The following GRM5 variants were observed in gnomAD, a reference collection of about 807,000 sequenced individuals.
GRM5 encodes glutamate metabotropic receptor 5.
Under a neutral mutation model 83.1 loss-of-function variants are expected in GRM5, and 19 were observed. The ratio of observed to expected loss-of-function variants is 0.23; its 90% confidence interval spans 0.16 to 0.34. GRM5 has a LOEUF of 0.34. Among genes scored for constraint, GRM5 ranks in the 10% least tolerant of loss-of-function variants. The pLI, the probability that GRM5 is intolerant of heterozygous loss-of-function variation, is 1.00. For missense variants in GRM5, 1,160 were observed against 1,588.3 expected (o/e 0.73, Z 4.58); for synonymous variants, 675 against 633.6 (o/e 1.07, Z -0.98).
chr11:88,865,515 C>A (rs542418036), intron 2 of GRM5, among the ~76,000 whole-genome samples: 1 of 152,084 alleles, frequency 6.6e-6, no homozygotes. Flanking sequence ...GACTTCATGA[C>A]TAAAACACCA....
At chr11:88,587,158 AGTGATTTAAAG>A in intron 7 of GRM5, among the ~76,000 whole-genome samples, 1 of 152,302 alleles carries the variant, frequency 6.6e-6, no homozygotes, top group East Asian at 1.9e-4. Context: ...TAGTTTGCAA[AGTGATTTAAAG>A]GGGAAAGCAG....
At chr11:89,040,693 C>T (rs1306758109) in intron 2 of GRM5, among the ~76,000 whole-genome samples, 1 of 151,240 alleles carries the variant, frequency 6.6e-6, no homozygotes, top group East Asian at 1.9e-4. Flanking sequence ...AGAGAGAGAC[C>T]CTGTCTCAAA....
intron 6 of GRM5, among the ~76,000 whole-genome samples, chr11:88,593,888 G>C (rs1254488617): frequency 6.6e-6 from 1 of 151,116 alleles, no homozygotes; most frequent in Non-Finnish European, 1.5e-5. Flanking sequence ...CCTCCTCCCG[G>C]GTTCACGCCA....
intron 4 of GRM5, among the ~76,000 whole-genome samples, chr11:88,617,937 G>T (rs1938528443): frequency 6.6e-6 from 1 of 152,184 alleles, no homozygotes; most frequent in African/African-American, 2.4e-5. Context: ...GGAGTGCTAA[G>T]AAAGTAGTCC....
intron 3 of GRM5, among the ~76,000 whole-genome samples, chr11:88,755,378 G>C (rs1269746580): frequency 6.6e-6 from 1 of 152,128 alleles, no homozygotes; most frequent in Non-Finnish European, 1.5e-5. Flanking sequence ...TTCATATAAA[G>C]TTATGGTTTA....
At chr11:88,851,482 C>CA (rs1944389071) in intron 2 of GRM5, among the ~76,000 whole-genome samples, 1 of 152,186 alleles carries the variant, frequency 6.6e-6, no homozygotes, top group South Asian at 2.1e-4. Flanking sequence ...TACAACTCCA[C>CA]AACAATTTGA....
chr11:88,812,181 T>G (rs185318688), intron 3 of GRM5, among the ~76,000 whole-genome samples: 1 of 152,282 alleles, frequency 6.6e-6, no homozygotes, highest in Non-Finnish European at 1.5e-5. Flanking sequence ...ATTTCGATAA[T>G]TTCATAAATA....
rs1942899089 is a variant in GRM5 at position 88,567,425 on chromosome 11, C to A, written c.2258G>T (p.Ser753Ile). ...PLGYNGLLIL[S>I]CTFYAFKTRN... is the part of the protein sequence containing the mutation. Reference sequence around the variant, plus strand: ...GGTCTTGAACGCATAGAAGGTGCAGCTCAAAATCAACAATCCATTGTATCC... The same window carrying A: ...GGTCTTGAACGCATAGAAGGTGCAGATCAAAATCAACAATCCATTGTATCC... Residue 753 changes from serine to isoleucine, a missense_variant, in exon 8 of 10, where the codon AGC (serine) becomes ATC (isoleucine). Around this residue, in one of 9 missense-constraint regions of GRM5, gnomAD observed 66 missense variants for 138.6 expected, o/e 0.48. Coordinates refer to ENST00000305447, the MANE Select transcript of GRM5 (RefSeq NM_001143831.3). The surrounding 1 kb of genome is among the most constrained non-coding windows in gnomAD (Gnocchi z 7.3). 1 of 1,613,904 alleles carries A rather than the reference C, an allele frequency of 6.2e-7. No individual in the cohort carries two copies. The highest frequency in any genetic ancestry group is 8.5e-7 in the Non-Finnish European group (1 of 1,179,878).
chr11:88,783,082 T>A (rs941682188), intron 3 of GRM5, among the ~76,000 whole-genome samples: 1 of 152,134 alleles, frequency 6.6e-6, no homozygotes, highest in Non-Finnish European at 1.5e-5. Flanking sequence ...TCTACATTAC[T>A]GTGCTAACTG....
At chr11:88,781,239 G>A (rs1942970371) in intron 3 of GRM5, among the ~76,000 whole-genome samples, 1 of 151,694 alleles carries the variant, frequency 6.6e-6, no homozygotes, top group Non-Finnish European at 1.5e-5. Flanking sequence ...TGAAGGGAAA[G>A]AGAAAATTCA....
intron 2 of GRM5, among the ~76,000 whole-genome samples, chr11:88,945,708 C>G (rs1938261166): frequency 6.6e-6 from 1 of 152,034 alleles, no homozygotes; most frequent in South Asian, 2.1e-4. Flanking sequence ...AACTGGACTC[C>G]TACCTTTTAC....
chr11:88,620,013 C>G (rs369881726), intron 4 of GRM5, among the ~76,000 whole-genome samples: 23 of 152,132 alleles, frequency 1.5e-4, no homozygotes, highest in Non-Finnish European at 2.5e-4. Context: ...CAGTTATGCA[C>G]AGTGGATGAT....
chr11:88,678,170 C>T (rs575576882), intron 3 of GRM5, among the ~76,000 whole-genome samples: 1 of 151,898 alleles, frequency 6.6e-6, no homozygotes, highest in Non-Finnish European at 1.5e-5. Flanking sequence ...GTGATTCTCC[C>T]ATTGCAGTCC....
chr11:88,894,399 G>T (rs576542424), intron 2 of GRM5, among the ~76,000 whole-genome samples: 62 of 152,012 alleles, frequency 4.1e-4, no homozygotes, highest in African/African-American at 1.5e-3. Flanking sequence ...CTCCTGTACT[G>T]CTTGTGTTTG....
At chr11:88,977,539 C>T (rs1351576967) in intron 2 of GRM5, among the ~76,000 whole-genome samples, 1 of 152,134 alleles carries the variant, frequency 6.6e-6, no homozygotes, top group African/African-American at 2.4e-5. Flanking sequence ...AAATAAAGTT[C>T]CATTCGGAAC....
At chr11:89,064,343 A>C (rs1438055221) in intron 1 of GRM5, among the ~76,000 whole-genome samples, 4 of 152,214 alleles carry the variant, frequency 2.6e-5, no homozygotes, top group Non-Finnish European at 4.4e-5. Context: ...ATAGCATATG[A>C]CTTTAGGCTC....
intron 1 of GRM5, among the ~76,000 whole-genome samples, chr11:89,061,078 A>G (rs1941981671): frequency 6.6e-6 from 1 of 152,134 alleles, no homozygotes; most frequent in Admixed American, 6.5e-5. Context: ...TTTATCATAT[A>G]ACATATATGT....
intron 3 of GRM5, among the ~76,000 whole-genome samples, chr11:88,706,070 CAT>C (rs1317684479): frequency 1.3e-5 from 2 of 152,080 alleles, no homozygotes; most frequent in Non-Finnish European, 2.9e-5. Flanking sequence ...GCTAGAATTT[CAT>C]AGTCTTGGGA....
intron 2 of GRM5, among the ~76,000 whole-genome samples, chr11:88,880,345 G>C (rs1171409896): frequency 3.3e-5 from 5 of 152,044 alleles, no homozygotes; most frequent in Admixed American, 6.6e-5. Flanking sequence ...TATGGCAATA[G>C]GAAAAAAGTG....
Sources: allele counts gnomAD v4.1 joint callset (sites outside exome capture counted in the v4.1 genomes callset), GRCh38; gene constraint gnomAD v4.1.1; regional missense constraint gnomAD v4.1.1; non-coding constraint Gnocchi (gnomAD v3.1); transcripts MANE v1.5; gene names NCBI Gene and HGNC (gene_info 2026-07-23, HGNC 2026-07-21).